PTPRN2: variants seen among roughly 807,000 people sequenced by gnomAD.
The protein encoded by PTPRN2 is protein tyrosine phosphatase receptor type N2.
PTPRN2 carries 74 observed loss-of-function variants against 118.8 expected under a neutral mutation model. That is an observed-to-expected ratio of 0.62 (90% CI 0.52 to 0.76). The LOEUF is 0.76. Ranked by LOEUF, PTPRN2 falls within the 30% of genes least tolerant of loss-of-function variation. The probability of loss-of-function intolerance (pLI) is 0.00; values close to 1 mark genes in which losing one functional copy is unlikely to be tolerated. For synonymous variants in PTPRN2, 641 were observed against 608.0 expected (o/e 1.05, Z -0.80); for missense variants, 1,481 against 1,394.4 (o/e 1.06, Z -0.99).
In PTPRN2 at chr7:158,316,812, G is replaced by A. The variant is rs374776951; in HGVS notation, c.277+7C>T. 275 of 1,591,798 alleles carry A rather than the reference G, an allele frequency of 1.7e-4. No individual in the cohort carries two copies. The highest frequency in any genetic ancestry group is 2.2e-4 in the Non-Finnish European group (254 of 1,173,780). Reference sequence around the variant, plus strand: ...AGCCGCCGAGCCTCGGCCCACGCCCGCCCTACCTGTGCCGGAAAGCTTCTG... The same window carrying A: ...AGCCGCCGAGCCTCGGCCCACGCCCACCCTACCTGTGCCGGAAAGCTTCTG... On this transcript the variant is annotated splice_region_variant and intron_variant, in intron 3 of 22. Coordinates refer to ENST00000389418, the MANE Select transcript of PTPRN2 (RefSeq NM_002847.5).
rs969280924 is a variant in PTPRN2 at position 157,540,630 on chromosome 7, A to G, written c.*84T>C. On this transcript the variant is annotated 3_prime_UTR_variant, in exon 23 of 23. Coordinates refer to ENST00000389418, the MANE Select transcript of PTPRN2 (RefSeq NM_002847.5). Reference sequence around the variant, plus strand: ...GGCCCTATTACTATGCAGTTATAATAGAAGACACACAATTAAAGTCAGATC... The same window carrying G: ...GGCCCTATTACTATGCAGTTATAATGGAAGACACACAATTAAAGTCAGATC... The G allele has an allele frequency of 1.7e-6, 2 of 1,207,118 alleles. No homozygotes were observed. Among genetic ancestry groups the G allele is most frequent in the African/African-American group, 3.1e-5 (2 of 65,532 alleles). The allele number at this position is 1,207,118 out of a possible 1,614,324, so 74.8% of individuals were successfully genotyped here.
chr7:158,235,841 T>C (rs1829496546), intron 3 of PTPRN2, among the ~76,000 whole-genome samples: 1 of 152,210 alleles, frequency 6.6e-6, no homozygotes, highest in South Asian at 2.1e-4. Context: ...AATTATCACA[T>C]GTACCCTGAA....
intron 3 of PTPRN2, among the ~76,000 whole-genome samples, chr7:158,233,064 A>G (rs966208150): frequency 6.6e-6 from 1 of 152,320 alleles, no homozygotes; most frequent in Non-Finnish European, 1.5e-5. Flanking sequence ...ATAGCACTGA[A>G]GTCCTGACCA....
intron 1 of PTPRN2, among the ~76,000 whole-genome samples, chr7:158,503,547 G>A (rs536110635): frequency 6.6e-6 from 1 of 152,340 alleles, no homozygotes; most frequent in East Asian, 1.9e-4. Flanking sequence ...GGCAGAGCCG[G>A]CACCACAAGA....
At chr7:158,412,891 G>C (rs1366402379) in intron 2 of PTPRN2, among the ~76,000 whole-genome samples, 57 of 145,928 alleles carry the variant, frequency 3.9e-4, no homozygotes, top group Non-Finnish European at 7.9e-4. Context: ...CTCAGCACCA[G>C]GGCCCATCCA....
At chr7:158,204,684 GGTATGTATGACAT>G (rs1232913844) in intron 4 of PTPRN2, among the ~76,000 whole-genome samples, 1 of 151,994 alleles carries the variant, frequency 6.6e-6, no homozygotes, top group African/African-American at 2.4e-5. Flanking sequence ...ATTAGTCCAT[GGTATGTATGACAT>G]TACCACATCG....
intron 12 of PTPRN2, among the ~76,000 whole-genome samples, chr7:157,887,216 TG>T: frequency 6.6e-6 from 1 of 152,238 alleles, no homozygotes; most frequent in East Asian, 1.9e-4. Flanking sequence ...TGGGCTGGGC[TG>T]ATGCAAATAT....
At chr7:158,149,803 C>CAA (rs33958927) in intron 6 of PTPRN2, among the ~76,000 whole-genome samples, 2,681 of 121,608 alleles carry the variant, frequency 0.022, 35 homozygotes, top group Middle Eastern at 0.036. Context: ...GAGTCCATCT[C>CAA]AAAAAAAAAA....
chr7:157,579,491 C>G (rs1389043420), intron 17 of PTPRN2, among the ~76,000 whole-genome samples: 2 of 152,120 alleles, frequency 1.3e-5, no homozygotes, highest in Non-Finnish European at 2.9e-5. Flanking sequence ...GAAGCCATTA[C>G]GAAAATGAGG....
intron 11 of PTPRN2, among the ~76,000 whole-genome samples, chr7:157,936,766 C>T (rs955391625): frequency 1.4e-4 from 21 of 150,558 alleles, no homozygotes; most frequent in Non-Finnish European, 4.4e-5. Flanking sequence ...CAGGTCTGAA[C>T]ACATGTGCAG....
intron 13 of PTPRN2, among the ~76,000 whole-genome samples, chr7:157,658,056 C>A (rs1795685317): frequency 6.7e-6 from 1 of 149,030 alleles, no homozygotes; most frequent in African/African-American, 2.5e-5. Context: ...GCCACAAACA[C>A]TCACTCCTAT....
intron 11 of PTPRN2, among the ~76,000 whole-genome samples, chr7:157,900,184 G>A (rs915986568): frequency 5.3e-5 from 8 of 152,228 alleles, no homozygotes; most frequent in Non-Finnish European, 4.4e-5. Context: ...CCCTTTTCCT[G>A]TGAAGGGCAG....
intron 3 of PTPRN2, among the ~76,000 whole-genome samples, chr7:158,297,086 C>T (rs187354657): frequency 3.2e-4 from 48 of 152,338 alleles, no homozygotes; most frequent in African/African-American, 9.6e-4. Flanking sequence ...GCTTCTGAAG[C>T]GGTAACGGTG....
intron 2 of PTPRN2, among the ~76,000 whole-genome samples, chr7:158,381,403 G>A (rs189225390): frequency 1.3e-5 from 2 of 152,308 alleles, no homozygotes; most frequent in African/African-American, 4.8e-5. Context: ...GGGGCAAAAT[G>A]CTGCCAGTCT....
chr7:158,041,788 G>C (rs938838704), intron 11 of PTPRN2, among the ~76,000 whole-genome samples: 4 of 152,156 alleles, frequency 2.6e-5, no homozygotes, highest in African/African-American at 9.7e-5. Context: ...AACGAGTATT[G>C]CATGATCTTG....
chr7:158,362,104 C>A (rs1273190702), intron 2 of PTPRN2, among the ~76,000 whole-genome samples: 1 of 152,218 alleles, frequency 6.6e-6, no homozygotes, highest in Non-Finnish European at 1.5e-5. Context: ...CATTAACAAA[C>A]AGCCCAGCCC....
chr7:158,556,792 G>T (rs1827034216), intron 1 of PTPRN2, among the ~76,000 whole-genome samples: 1 of 148,994 alleles, frequency 6.7e-6, no homozygotes, highest in Non-Finnish European at 1.5e-5. Flanking sequence ...CTCCCACGCA[G>T]GTCAGGCGGC....
intron 11 of PTPRN2, among the ~76,000 whole-genome samples, chr7:157,927,846 C>T (rs918623427): frequency 4.6e-5 from 7 of 152,040 alleles, no homozygotes; most frequent in Admixed American, 2.6e-4. Context: ...GGGATGTTTA[C>T]GAGTTCTTAC....
intron 11 of PTPRN2, among the ~76,000 whole-genome samples, chr7:157,939,389 A>C (rs946276936): frequency 1.3e-5 from 2 of 152,238 alleles, no homozygotes; most frequent in Admixed American, 6.5e-5. Context: ...GTTGCCACAG[A>C]AAGTGCTAGA....
Sources: allele counts gnomAD v4.1 joint callset (sites outside exome capture counted in the v4.1 genomes callset), GRCh38; gene constraint gnomAD v4.1.1; transcripts MANE v1.5; gene names NCBI Gene and HGNC (gene_info 2026-07-23, HGNC 2026-07-21).